Variants in MYO3B observed in about 807,000 individuals in gnomAD.
The protein encoded by MYO3B is myosin-IIIb.
A neutral mutation model predicts 174.6 loss-of-function variants in MYO3B; 156 were observed. The ratio of observed to expected loss-of-function variants is 0.89; its 90% CI spans 0.78 to 1.02. The LOEUF (loss-of-function observed/expected upper bound fraction) is 1.02. Among genes scored for constraint, MYO3B ranks in the 50% least tolerant of loss-of-function variants. The pLI is 0.00. For synonymous variants in MYO3B, 563 were observed against 569.1 expected (o/e 0.99, Z 0.15); for missense variants, 1,632 against 1,639.4 (o/e 1.00, Z 0.08).
intron 32 of MYO3B, among the ~76,000 whole-genome samples, chr2:170,591,393 C>A (rs1189297073): frequency 6.6e-6 from 1 of 152,044 alleles, no homozygotes; most frequent in East Asian, 1.9e-4. Context: ...TCTCTGAGAT[C>A]AAAAATTAAA....
At chr2:170,575,588 A>G (rs1203322252) in intron 32 of MYO3B, among the ~76,000 whole-genome samples, 1 of 152,220 alleles carries the variant, frequency 6.6e-6, no homozygotes, top group Non-Finnish European at 1.5e-5. Context: ...TTAAAAATGT[A>G]CAAACCATCC....
intron 7 of MYO3B, among the ~76,000 whole-genome samples, chr2:170,237,089 T>G (rs1187680329): frequency 2.0e-5 from 3 of 152,228 alleles, no homozygotes; most frequent in Non-Finnish European, 2.9e-5. Flanking sequence ...CCAAAAATGA[T>G]TCCCACCCAA....
Position 170,654,137 on chromosome 2 carries a change from T to A in MYO3B, c.*1016T>A, listed in dbSNP as rs547789773. 5.3e-5 allele frequency: 8 copies of A among 152,346 alleles called. No individual in the cohort carries two copies. The East Asian group carries it at 1.5e-3, about 29-fold the overall frequency. 9.4% of individuals were successfully genotyped at this position (152,346 alleles called of 1,614,324 possible). A position where few individuals can be genotyped will look rare whatever the true frequency, so the allele number is the denominator to read the frequency against. On this transcript the variant is annotated 3_prime_UTR_variant, in exon 35 of 35. Coordinates refer to ENST00000408978, the MANE Select transcript of MYO3B (RefSeq NM_138995.5). Reference sequence around the variant, plus strand: ...TTTCATACACTATAACCTCTGATTTTTCACTCAAGTTTGGGCTGATTATAT... The same window carrying A: ...TTTCATACACTATAACCTCTGATTTATCACTCAAGTTTGGGCTGATTATAT...
intron 8 of MYO3B, among the ~76,000 whole-genome samples, chr2:170,355,109 G>A (rs1248352523): frequency 6.6e-6 from 1 of 152,172 alleles, no homozygotes; most frequent in Non-Finnish European, 1.5e-5. Flanking sequence ...ATTGTCCTTT[G>A]AAGCTTTTTT....
At chr2:170,509,796 A>AT (rs1559069985) in intron 28 of MYO3B, among the ~76,000 whole-genome samples, 1 of 152,070 alleles carries the variant, frequency 6.6e-6, no homozygotes, top group African/African-American at 2.4e-5. Flanking sequence ...GCTAAATATC[A>AT]CCAGATTTGT....
chr2:170,359,767 T>A (rs1309286186), intron 8 of MYO3B, among the ~76,000 whole-genome samples: 13 of 152,230 alleles, frequency 8.5e-5, no homozygotes, highest in Admixed American at 8.5e-4. Context: ...TTAGAATTAT[T>A]TACTTCGTCT....
At chr2:170,494,664 G>T (rs187376397) in intron 25 of MYO3B, among the ~76,000 whole-genome samples, 1 of 140,484 alleles carries the variant, frequency 7.1e-6, no homozygotes, top group African/African-American at 2.7e-5. Flanking sequence ...GGAGGCAGAG[G>T]TTGCAGAGAC....
chr2:170,543,754 C>G, intron 31 of MYO3B, 138 bp from the exon 32 acceptor site: 2 of 534,826 alleles, frequency 3.7e-6, no homozygotes, highest in Non-Finnish European at 6.4e-6. Context: ...ATGGGAGCAA[C>G]TTACAAATGA....
chr2:170,466,752 G>C (rs903847030), intron 25 of MYO3B, 41 bp downstream of exon 25: 3 of 1,594,358 alleles, frequency 1.9e-6, no homozygotes, highest in Non-Finnish European at 2.6e-6. Flanking sequence ...TATAAATGTA[G>C]CTCTACTCTG....
intron 32 of MYO3B, among the ~76,000 whole-genome samples, chr2:170,649,415 T>C (rs1394830950): frequency 1.2e-5 from 1 of 82,118 alleles, no homozygotes; most frequent in Non-Finnish European, 2.4e-5. Context: ...AAATATTACA[T>C]ATAAAATATA....
chr2:170,252,684 G>T (rs954738279), intron 7 of MYO3B, among the ~76,000 whole-genome samples: 2 of 152,174 alleles, frequency 1.3e-5, no homozygotes, highest in African/African-American at 2.4e-5. Context: ...GTCCCTGTAT[G>T]AAGAAAAATA....
intron 7 of MYO3B, among the ~76,000 whole-genome samples, chr2:170,331,177 G>A (rs16858163): frequency 0.1 from 15,587 of 152,184 alleles, 1,297 homozygotes; most frequent in African/African-American, 0.23. Context: ...CTGGTGAGCA[G>A]GTGATTTAAG....
rs749896566 is a variant in MYO3B, at chr2:170,466,682, C to A, written c.2985C>A (p.His995Gln). ...GCATCCGCCGCCAGGGCTATTCCCA[C>A]CGCATCCTTTTTGAAGAATTTGTGA... Reference protein sequence around the residue: ...TVSIRRQGYSHRILFEEFVKR... With the variant: ...TVSIRRQGYSQRILFEEFVKR... The change falls in exon 25 of 35, where the codon CAC becomes CAA. Residue 995 changes from histidine to glutamine, a missense_variant. Transcript: ENST00000408978. 1.9e-6 allele frequency: 3 copies of A among 1,614,130 alleles called. No homozygotes were observed. In the South Asian group the frequency reaches 3.3e-5, roughly 18 times the overall value.
intron 7 of MYO3B, among the ~76,000 whole-genome samples, chr2:170,303,512 C>T (rs1361692671): frequency 6.6e-6 from 1 of 151,960 alleles, no homozygotes; most frequent in Non-Finnish European, 1.5e-5. Flanking sequence ...GGTACATGGG[C>T]AGGTTTGTTA....
At chr2:170,302,795 T>C (rs748505942) in intron 7 of MYO3B, among the ~76,000 whole-genome samples, 1 of 152,214 alleles carries the variant, frequency 6.6e-6, no homozygotes, top group Non-Finnish European at 1.5e-5. Context: ...GTTAAGCATA[T>C]ATTAGGAGAA....
chr2:170,340,727 A>G (rs1466382294), intron 8 of MYO3B: 1 of 152,196 alleles, frequency 6.6e-6, no homozygotes, highest in African/African-American at 2.4e-5. Flanking sequence ...TCTCTGTGTA[A>G]CATTTCTTCC....
chr2:170,456,152 G>T (rs1358228858), intron 23 of MYO3B, among the ~76,000 whole-genome samples: 1 of 152,054 alleles, frequency 6.6e-6, no homozygotes, highest in Non-Finnish European at 1.5e-5. Flanking sequence ...GGAGAAGTGT[G>T]GATATTTTGG....
At chr2:170,375,180 T>C (rs1050294820) in intron 9 of MYO3B, among the ~76,000 whole-genome samples, 1 of 152,180 alleles carries the variant, frequency 6.6e-6, no homozygotes, top group African/African-American at 2.4e-5. Context: ...CCCAAACCAG[T>C]TTTGCAAATC....
chr2:170,519,415 A>G, intron 29 of MYO3B, 23 bp from the exon 30 acceptor site: 1 of 1,601,842 alleles, frequency 6.2e-7, no homozygotes, highest in Non-Finnish European at 8.6e-7. Flanking sequence ...ACATATGCTT[A>G]GCCCTCCTTT....
Sources: gnomAD v4.1 joint callset for allele counts (sites outside exome capture counted in the v4.1 genomes callset) on GRCh38, gnomAD v4.1.1 for gene constraint, MANE v1.5 for transcripts, NCBI Gene and HGNC (gene_info 2026-07-23, HGNC 2026-07-21) for gene names.